CYTH3: variants seen among roughly 807,000 people sequenced by gnomAD.
CYTH3 encodes the protein cytohesin 3, also known as cytohesin-3.
A neutral mutation model predicts 55.1 loss-of-function variants in CYTH3; 23 were observed. That is an observed-to-expected ratio of 0.42 (90% CI 0.30 to 0.59). CYTH3 has a LOEUF of 0.59. CYTH3 is among the 20% of genes least tolerant of loss of function. The probability of loss-of-function intolerance (pLI) is 0.20; values close to 1 mark genes in which losing one functional copy is unlikely to be tolerated. For missense variants in CYTH3, 413 were observed against 524.8 expected, an observed-to-expected ratio of 0.79 and a Z score of 2.08; for synonymous variants, 249 against 194.9, an observed-to-expected ratio of 1.28 and a Z score of -2.31.
intron 1 of CYTH3, among the ~76,000 whole-genome samples, chr7:6,262,209 G>C (rs899658436): frequency 2.0e-5 from 3 of 152,208 alleles, no homozygotes; most frequent in African/African-American, 7.2e-5. Flanking sequence ...ACACGACACA[G>C]AGGGCATGTT....
intron 1 of CYTH3, among the ~76,000 whole-genome samples, chr7:6,238,230 T>C (rs1779577390): frequency 6.7e-6 from 1 of 148,594 alleles, no homozygotes; most frequent in South Asian, 2.1e-4. Context: ...CACTTCAATA[T>C]TTTTTTAATT....
chr7:6,190,690 C>T (rs992465013), intron 1 of CYTH3, among the ~76,000 whole-genome samples, 159 bp from the exon 2 acceptor site: 3 of 152,036 alleles, frequency 2.0e-5, no homozygotes, highest in South Asian at 2.1e-4. Flanking sequence ...CTCATAGGAG[C>T]GCTCTTTATA....
At chr7:6,199,844 G>A (rs117154104) in intron 1 of CYTH3, among the ~76,000 whole-genome samples, 4,612 of 152,230 alleles carry the variant, frequency 0.03, 104 homozygotes, top group Non-Finnish European at 0.04. Flanking sequence ...CAGAACAAAG[G>A]TTGGGAGGGA....
At chr7:6,241,946 AAAG>A (rs1194267998) in intron 1 of CYTH3, among the ~76,000 whole-genome samples, 3 of 152,250 alleles carry the variant, frequency 2.0e-5, no homozygotes, top group Admixed American at 6.5e-5. Flanking sequence ...TTAAATGCAT[AAAG>A]AAGAAACTAA....
At chr7:6,233,601 A>G (rs1351287068) in intron 1 of CYTH3, among the ~76,000 whole-genome samples, 1 of 150,242 alleles carries the variant, frequency 6.7e-6, no homozygotes, top group Non-Finnish European at 1.5e-5. Context: ...GGTTGCAGTG[A>G]GCCGAGATCG....
intron 5 of CYTH3, among the ~76,000 whole-genome samples, chr7:6,174,616 T>C (rs1783293284): frequency 6.7e-6 from 1 of 149,192 alleles, no homozygotes; most frequent in Non-Finnish European, 1.5e-5. Context: ...GGCACATTCT[T>C]GGCCCACTGC....
intron 1 of CYTH3, among the ~76,000 whole-genome samples, chr7:6,229,918 T>C (rs1448887379): frequency 6.6e-6 from 1 of 151,978 alleles, no homozygotes; most frequent in Non-Finnish European, 1.5e-5. Context: ...AGTGATAGCT[T>C]GAGGTCTGGA....
chr7:6,264,779 T>G (rs976815866), intron 1 of CYTH3, among the ~76,000 whole-genome samples: 1 of 152,242 alleles, frequency 6.6e-6, no homozygotes, highest in African/African-American at 2.4e-5. Flanking sequence ...AAGGCTACTA[T>G]GTACCAAGCA....
intron 1 of CYTH3, among the ~76,000 whole-genome samples, chr7:6,254,451 ATGTT>A (rs1433554041): frequency 1.3e-5 from 2 of 152,148 alleles, no homozygotes. Flanking sequence ...AAGCGTTATG[ATGTT>A]TGTAACTTTT....
chr7:6,169,374 T>C lies in CYTH3; in HGVS notation c.823+1161A>G, dbSNP rs1219222561. On this transcript the variant is annotated intron_variant, in intron 9 of 12. Transcript: ENST00000350796. The surrounding 1 kb of genome is among the most constrained non-coding windows in gnomAD (Gnocchi z 4.1). ...TAGCTGGGACTACAGGCACACACCA[T>C]CACGCCAGGCTAATTTTTTGTAAAG... Among the ~76,000 whole-genome samples the C allele has an allele frequency of 2.0e-5, 3 of 152,026 alleles. No homozygotes were observed. Among genetic ancestry groups the C allele is most frequent in the Non-Finnish European group, 4.4e-5 (3 of 67,982 alleles).
chr7:6,230,863 C>T (rs765151776), intron 1 of CYTH3, among the ~76,000 whole-genome samples: 1 of 152,276 alleles, frequency 6.6e-6, no homozygotes, highest in African/African-American at 2.4e-5. Context: ...TGTTTATTTT[C>T]TTCTTTGTAA....
intron 1 of CYTH3, among the ~76,000 whole-genome samples, chr7:6,250,049 G>A (rs1223353109): frequency 6.6e-6 from 1 of 152,028 alleles, no homozygotes; most frequent in Non-Finnish European, 1.5e-5. Context: ...GTCATTTGTC[G>A]AGATTTTGGG....
chr7:6,222,262 C>T (rs1229015223), intron 1 of CYTH3, among the ~76,000 whole-genome samples: 2 of 152,152 alleles, frequency 1.3e-5, no homozygotes, highest in African/African-American at 4.8e-5. Flanking sequence ...AAGATTAGGG[C>T]TTAGTCATTT....
At chr7:6,223,758 G>C (rs1220842314) in intron 1 of CYTH3, among the ~76,000 whole-genome samples, 1 of 141,196 alleles carries the variant, frequency 7.1e-6, no homozygotes, top group Non-Finnish European at 1.5e-5. Flanking sequence ...TTTATCTGCT[G>C]ACCTTCTCTC....
intron 1 of CYTH3, among the ~76,000 whole-genome samples, chr7:6,199,855 G>T (rs1427562384): frequency 6.6e-6 from 1 of 152,200 alleles, no homozygotes; most frequent in Non-Finnish European, 1.5e-5. Context: ...TTGGGAGGGA[G>T]AAAGGAAAGC....
chr7:6,235,396 G>A (rs1779493571), intron 1 of CYTH3, among the ~76,000 whole-genome samples: 1 of 150,524 alleles, frequency 6.6e-6, no homozygotes, highest in African/African-American at 2.5e-5. Flanking sequence ...AGAATCGCTT[G>A]AACCTGGCTG....
intron 1 of CYTH3, among the ~76,000 whole-genome samples, chr7:6,196,947 G>A (rs779970146): frequency 1.3e-5 from 2 of 152,148 alleles, no homozygotes; most frequent in Non-Finnish European, 2.9e-5. Context: ...CAAGGGGAGA[G>A]CTTTAATTCA....
chr7:6,210,917 T>C (rs1053816716), intron 1 of CYTH3, among the ~76,000 whole-genome samples: 1 of 152,234 alleles, frequency 6.6e-6, no homozygotes, highest in Non-Finnish European at 1.5e-5. Context: ...TTGTAAAACC[T>C]GAAGTATTCT....
At chr7:6,270,509 C>G (rs562422371) in intron 1 of CYTH3, among the ~76,000 whole-genome samples, 2 of 151,992 alleles carry the variant, frequency 1.3e-5, no homozygotes, top group Non-Finnish European at 2.9e-5. Context: ...TTCCAGAAAC[C>G]TGGAAAATAT....
Sources: gnomAD v4.1 joint callset for allele counts (sites outside exome capture counted in the v4.1 genomes callset) on GRCh38, gnomAD v4.1.1 for gene constraint, Gnocchi (gnomAD v3.1) non-coding constraint, MANE v1.5 for transcripts, NCBI Gene and HGNC (gene_info 2026-07-23, HGNC 2026-07-21) for gene names.